The following HSF5 variants were observed in gnomAD, a reference collection of about 807,000 sequenced individuals.
HSF5 encodes the protein heat shock transcription factor 5, also known as heat shock factor protein 5.
A neutral mutation model predicts 50.8 loss-of-function variants in HSF5; 5 were observed. The ratio of observed to expected loss-of-function variants is 0.10; its 90% CI spans 0.05 to 0.21. The LOEUF (loss-of-function observed/expected upper bound fraction) is 0.21, where lower values mean the gene tolerates loss of function less well. Ranked by LOEUF, HSF5 falls within the 10% of genes least tolerant of loss-of-function variation. The probability of loss-of-function intolerance (pLI) is 1.00; values close to 1 mark genes in which losing one functional copy is unlikely to be tolerated. For missense variants in HSF5, 564 were observed against 762.6 expected (o/e 0.74, Z 3.07); for synonymous variants, 307 against 307.4 (o/e 1.00, Z 0.02).
chr17:58,456,029 C>A (rs183952427), intron 5 of HSF5, among the ~76,000 whole-genome samples: 80 of 152,208 alleles, frequency 5.3e-4, no homozygotes, highest in Non-Finnish European at 7.5e-4. Context: ...GACATCTCCA[C>A]ACCCGTGTTT....
At chr17:58,472,678 C>T (rs1974964164) in intron 2 of HSF5, among the ~76,000 whole-genome samples, 1 of 152,104 alleles carries the variant, frequency 6.6e-6, no homozygotes, top group African/African-American at 2.4e-5. Context: ...CAATGATTAA[C>T]TGCAAACCTG....
In HSF5 at chr17:58,474,981, T is replaced by C. The variant is rs144887096; in HGVS notation, c.925+4912A>G. On this transcript the variant is annotated intron_variant, in intron 2 of 5. Transcript: ENST00000323777. Reference sequence around the variant, plus strand: ...GGCCTTAACCATTTTCTATGTAACATGGTAAAAAAAATTTTTTTTTAATTT... The same window carrying C: ...GGCCTTAACCATTTTCTATGTAACACGGTAAAAAAAATTTTTTTTTAATTT... 2.0e-5 allele frequency among the ~76,000 whole-genome samples: 3 copies of C among 152,272 alleles called. No individual in the cohort carries two copies. In the East Asian group the frequency reaches 5.8e-4, roughly 29 times the overall value.
Position 58,446,093 on chromosome 17 carries a change from C to T in HSF5, c.1720+12675G>A, listed in dbSNP as rs981539292. 6.7e-5 allele frequency among the ~76,000 whole-genome samples: 10 copies of T among 148,892 alleles called. No individual in the cohort carries two copies. The East Asian group carries it at 1.8e-3, about 27-fold the overall frequency. The stretch of plus-strand genomic sequence containing the variant: ...CAGAGGTTGCAGTGAGCCAAAATCG[C>T]GCCACTGCACTCCAGCCTGGGCGAC... On this transcript the variant is annotated intron_variant, in intron 5 of 5. Coordinates refer to ENST00000323777, the MANE Select transcript of HSF5 (RefSeq NM_001080439.3).
At chr17:58,438,114 A>T (rs1456192230) in intron 5 of HSF5, among the ~76,000 whole-genome samples, 1 of 152,200 alleles carries the variant, frequency 6.6e-6, no homozygotes, top group African/African-American at 2.4e-5. Flanking sequence ...GCCAAAAAAA[A>T]AAATAATTGG....
At chr17:58,464,937 A>AC (rs1198068206) in intron 3 of HSF5, among the ~76,000 whole-genome samples, 27 of 140,196 alleles carry the variant, frequency 1.9e-4, no homozygotes, top group African/African-American at 6.8e-4. Flanking sequence ...CGCCTGGCAG[A>AC]TTTTTTTTTT....
intron 3 of HSF5, 133 bp downstream of exon 3, chr17:58,466,752 G>T: frequency 9.6e-6 from 6 of 624,448 alleles, no homozygotes; most frequent in Admixed American, 2.8e-5. Flanking sequence ...TTTAAGAATT[G>T]AGAAAACAAA....
chr17:58,462,760 A>AT (rs766571392), intron 4 of HSF5, 22 bp downstream of exon 4: 1 of 1,558,714 alleles, frequency 6.4e-7, no homozygotes, highest in South Asian at 1.2e-5. Context: ...CTTTATAAGC[A>AT]TTTTTTTCTT....
chr17:58,462,642 G>A lies in HSF5; in HGVS notation c.1542+140C>T, dbSNP rs1974808639. The A allele has an allele frequency of 1.6e-5, 12 of 761,596 alleles. No individual in the cohort carries two copies. In the South Asian group the frequency reaches 2.4e-4, roughly 15 times the overall value. 47.2% of individuals were successfully genotyped at this position (761,596 alleles called of 1,614,324 possible). A position where few individuals can be genotyped will look rare whatever the true frequency, so the allele number is the denominator to read the frequency against. ...TCTGAATCTTTTGTGCAGAACCACT[G>A]GGACATGATCCTCCTGGAAACCATA... is the stretch of plus-strand genomic sequence containing the variant. On this transcript the variant is annotated intron_variant, in intron 4 of 5. Coordinates refer to ENST00000323777, the MANE Select transcript of HSF5 (RefSeq NM_001080439.3).
At chr17:58,480,693 T>G (rs1026685274) in intron 1 of HSF5, among the ~76,000 whole-genome samples, 3 of 151,378 alleles carry the variant, frequency 2.0e-5, no homozygotes, top group African/African-American at 7.3e-5. Context: ...AAAAATAAGC[T>G]CTCCACCAAA....
At chr17:58,449,804 A>G (rs1185294652) in intron 5 of HSF5, among the ~76,000 whole-genome samples, 1 of 151,528 alleles carries the variant, frequency 6.6e-6, no homozygotes, top group Non-Finnish European at 1.5e-5. Context: ...CGGGCGGATC[A>G]CGAGGTCAGG....
At chr17:58,476,084 G>A (rs967924517) in intron 2 of HSF5, 1 of 662,154 alleles carries the variant, frequency 1.5e-6, no homozygotes, top group African/African-American at 1.9e-5. Context: ...CCAAGGACTG[G>A]AGAAAATTTT....
At chr17:58,485,967 G>A (rs185389791) in intron 1 of HSF5, among the ~76,000 whole-genome samples, 210 of 152,020 alleles carry the variant, frequency 1.4e-3, no homozygotes, top group Non-Finnish European at 9.4e-4. Flanking sequence ...TACTCTGGAG[G>A]CTGAGGCAGA....
intron 5 of HSF5, among the ~76,000 whole-genome samples, chr17:58,429,355 A>G (rs1391070737): frequency 6.6e-6 from 1 of 152,130 alleles, no homozygotes; most frequent in African/African-American, 2.4e-5. Context: ...TGAATGTACT[A>G]TATGCCACTT....
rs1253209040 is a variant in HSF5 at position 58,425,486 on chromosome 17, G to T, written c.1721-3056C>A. Among the ~76,000 whole-genome samples the T allele has an allele frequency of 2.8e-5, 4 of 141,600 alleles. No homozygotes were observed. The East Asian group carries it at 6.3e-4, about 22-fold the overall frequency. 92.9% of individuals were successfully genotyped at this position (141,600 alleles called of 152,430 possible). On this transcript the variant is annotated intron_variant, in intron 5 of 5. Coordinates refer to ENST00000323777, the MANE Select transcript of HSF5 (RefSeq NM_001080439.3). ...CTAGCTACCTGGGAGGCTGAAGCAGGAGAATTACTTGAGACTGCAGTGTCC... is the reference window on the plus strand; with the variant it reads ...CTAGCTACCTGGGAGGCTGAAGCAGTAGAATTACTTGAGACTGCAGTGTCC...
rs755011399 is a variant in HSF5, at chr17:58,471,404, T to C, written c.926-4425A>G. 3.3e-5 allele frequency among the ~76,000 whole-genome samples: 5 copies of C among 152,308 alleles called. No homozygotes were observed. In the South Asian group the frequency reaches 8.3e-4, roughly 25 times the overall value. On this transcript the variant is annotated intron_variant, in intron 2 of 5. Transcript: ENST00000323777. ...GAGTAACAGCACCAAAAAGCTCTTATAATTCTATATTCTATATTTATGTAC... is the reference window on the plus strand; with the variant it reads ...GAGTAACAGCACCAAAAAGCTCTTACAATTCTATATTCTATATTTATGTAC...
intron 3 of HSF5, among the ~76,000 whole-genome samples, chr17:58,465,182 CTTTTTTTTT>C (rs529950180): frequency 1.4e-5 from 1 of 69,340 alleles, no homozygotes; most frequent in African/African-American, 6.7e-5. Flanking sequence ...TATTTCTTTT[CTTTTTTTTT>C]TTTTTTTTAA....
intron 2 of HSF5, among the ~76,000 whole-genome samples, chr17:58,478,463 G>A (rs887263539): frequency 2.3e-5 from 3 of 132,394 alleles, no homozygotes; most frequent in South Asian, 2.3e-4. Flanking sequence ...GCAACAGAGC[G>A]AGACTCCATC....
intron 2 of HSF5, chr17:58,476,885 G>T: frequency 1.7e-6 from 2 of 1,187,922 alleles, no homozygotes; most frequent in Admixed American, 2.0e-5. Flanking sequence ...TTTTCCTGAG[G>T]TCTCGTCGGC....
At chr17:58,456,505 G>A (rs191508326) in intron 5 of HSF5, among the ~76,000 whole-genome samples, 21 of 152,232 alleles carry the variant, frequency 1.4e-4, no homozygotes, top group African/African-American at 5.1e-4. Context: ...TAGCATAATT[G>A]TAGCAAATAA....
Sources: allele counts gnomAD v4.1 joint callset (sites outside exome capture counted in the v4.1 genomes callset), GRCh38; gene constraint gnomAD v4.1.1; transcripts MANE v1.5; gene names NCBI Gene and HGNC (gene_info 2026-07-23, HGNC 2026-07-21).